Variants in RALGPS1 observed in about 807,000 individuals in gnomAD.
RALGPS1 encodes the protein ras-specific guanine nucleotide-releasing factor RalGPS1.
RALGPS1 carries 19 observed loss-of-function variants against 78.8 expected under a neutral mutation model. That is an observed-to-expected ratio of 0.24 (90% confidence interval 0.17 to 0.35). RALGPS1 has a LOEUF of 0.35. Among genes scored for constraint, RALGPS1 ranks in the 10% least tolerant of loss-of-function variants. The pLI is 1.00. For missense variants in RALGPS1, 454 were observed against 688.3 expected, an observed-to-expected ratio of 0.66 and a Z score of 3.81; for synonymous variants, 228 against 256.3, an observed-to-expected ratio of 0.89 and a Z score of 1.06.
chr9:126,950,918 T>C (rs2037751327), intron 1 of RALGPS1, among the ~76,000 whole-genome samples: 1 of 151,528 alleles, frequency 6.6e-6, no homozygotes, highest in African/African-American at 2.4e-5. Context: ...GATAGACTGC[T>C]AGCAAGACTA....
intron 8 of RALGPS1, among the ~76,000 whole-genome samples, chr9:127,149,322 CAGA>C (rs2058286585): frequency 6.6e-6 from 1 of 152,212 alleles, no homozygotes; most frequent in Non-Finnish European, 1.5e-5. Flanking sequence ...TGAGAAATCT[CAGA>C]AGGTTTTGTT....
chr9:126,994,037 A>G (rs2042510336), intron 4 of RALGPS1, among the ~76,000 whole-genome samples: 1 of 152,178 alleles, frequency 6.6e-6, no homozygotes, highest in Non-Finnish European at 1.5e-5. Flanking sequence ...GTACGTCACC[A>G]TCATCAAAGA....
At chr9:127,120,904 C>A (rs2056001958) in intron 8 of RALGPS1, among the ~76,000 whole-genome samples, 1 of 151,968 alleles carries the variant, frequency 6.6e-6, no homozygotes, top group South Asian at 2.1e-4. Flanking sequence ...GGTTTGTAAT[C>A]ATCAGTGACC....
chr9:126,947,995 C>T (rs750647631), intron 1 of RALGPS1, among the ~76,000 whole-genome samples: 1 of 152,002 alleles, frequency 6.6e-6, no homozygotes, highest in African/African-American at 2.4e-5. Context: ...TGTTGTAAGG[C>T]GGGTCTCTAG....
intron 8 of RALGPS1, among the ~76,000 whole-genome samples, chr9:127,140,720 GA>G (rs956114511): frequency 3.3e-5 from 5 of 150,978 alleles, no homozygotes; most frequent in African/African-American, 1.2e-4. Context: ...CCTTTTAATT[GA>G]AAAAAAAAGT....
intron 4 of RALGPS1, among the ~76,000 whole-genome samples, chr9:126,988,513 C>G (rs898135695): frequency 6.6e-6 from 1 of 152,202 alleles, no homozygotes; most frequent in Non-Finnish European, 1.5e-5. Flanking sequence ...CTGAAGCAAT[C>G]CTCCCACCTT....
chr9:127,140,948 C>A (rs1021683485), intron 8 of RALGPS1, among the ~76,000 whole-genome samples: 2 of 152,158 alleles, frequency 1.3e-5, no homozygotes, highest in Admixed American at 6.5e-5. Context: ...TAAGGTCATT[C>A]ATTTAGGAGT....
intron 14 of RALGPS1, among the ~76,000 whole-genome samples, chr9:127,206,375 G>A (rs1442291235): frequency 6.6e-6 from 1 of 152,208 alleles, no homozygotes; most frequent in Non-Finnish European, 1.5e-5. Flanking sequence ...GGCTGGAGAG[G>A]CCTCAGGAAA....
chr9:127,077,265 C>T (rs1044915245), intron 8 of RALGPS1, among the ~76,000 whole-genome samples: 81 of 152,126 alleles, frequency 5.3e-4, no homozygotes, highest in African/African-American at 1.9e-3. Context: ...TGTGATGAGT[C>T]ACTGTATTTC....
chr9:127,222,712 TAGTA>T lies in RALGPS1; in HGVS notation c.*3945_*3948del, dbSNP rs2062805956. The T allele has an allele frequency of 6.5e-6, 1 of 152,684 alleles. No individual in the cohort carries two copies. The highest frequency in any genetic ancestry group is 1.5e-5 in the Non-Finnish European group (1 of 68,050). The allele number at this position is 152,684 out of a possible 1,614,324, so 9.5% of individuals were successfully genotyped here. The stretch of plus-strand genomic sequence containing the variant: ...CTGTGACTATTCAGTAACGAAGTAA[TAGTA>T]ATTAATTAGTATGGTATAATCTTTA... On this transcript the variant is annotated 3_prime_UTR_variant, in exon 19 of 19. Coordinates refer to ENST00000259351, the MANE Select transcript of RALGPS1 (RefSeq NM_014636.3).
intron 1 of RALGPS1, among the ~76,000 whole-genome samples, chr9:126,953,272 C>T (rs1450778525): frequency 6.6e-6 from 1 of 152,082 alleles, no homozygotes; most frequent in African/African-American, 2.4e-5. Flanking sequence ...CTGCCACGTT[C>T]TTAAGAAGTT....
intron 18 of RALGPS1, chr9:127,217,093 G>A (rs2062629088): frequency 7.2e-7 from 1 of 1,382,104 alleles, no homozygotes; most frequent in Admixed American, 3.3e-5. Flanking sequence ...GCCAGAGGAT[G>A]ACAGCAGCCC....
chr9:127,030,268 G>A (rs1340490642), intron 4 of RALGPS1, among the ~76,000 whole-genome samples: 1 of 152,298 alleles, frequency 6.6e-6, no homozygotes, highest in East Asian at 1.9e-4. Context: ...GTCAGTATAT[G>A]TGATCTTCTA....
intron 4 of RALGPS1, 100 bp from the exon 5 acceptor site, chr9:127,034,331 C>G (rs1373790531): frequency 2.8e-6 from 3 of 1,078,052 alleles, no homozygotes; most frequent in Non-Finnish European, 4.3e-6. Flanking sequence ...GGTGTCAGCC[C>G]TTTCCCACCT....
chr9:127,199,206 G>C, intron 14 of RALGPS1, 140 bp downstream of exon 14: 1 of 819,252 alleles, frequency 1.2e-6, no homozygotes, highest in Middle Eastern at 2.5e-4. Context: ...CAGACTGGCT[G>C]GGGCAGGGCT....
intron 1 of RALGPS1, among the ~76,000 whole-genome samples, chr9:126,935,765 T>G (rs2131285250): frequency 6.6e-6 from 1 of 152,358 alleles, no homozygotes; most frequent in South Asian, 2.1e-4. Flanking sequence ...AGGAGTAATC[T>G]CAGAGATGAG....
chr9:126,952,677 GTGTC>G (rs761496252), intron 1 of RALGPS1, among the ~76,000 whole-genome samples: 2,753 of 106,932 alleles, frequency 0.026, 21 homozygotes, highest in Middle Eastern at 0.045. Context: ...GTGTGTGTGT[GTGTC>G]TGTGTGTCTG....
chr9:127,111,989 T>G lies in RALGPS1; in HGVS notation c.610+42633T>G, dbSNP rs75655143. Among the ~76,000 whole-genome samples the G allele has an allele frequency of 5.4e-3, 821 of 152,382 alleles. 25 individuals are homozygous for G. The East Asian group carries it at 0.085, about 16-fold the overall frequency. Reference sequence around the variant, plus strand: ...CAGGACCTAAAGATTTTGTCCTCCCTGAACCCCTTTGGGGGCTTCTCCAGT... The same window carrying G: ...CAGGACCTAAAGATTTTGTCCTCCCGGAACCCCTTTGGGGGCTTCTCCAGT... On this transcript the variant is annotated intron_variant, in intron 8 of 18. Transcript: ENST00000259351.
intron 11 of RALGPS1, among the ~76,000 whole-genome samples, chr9:127,188,826 C>G (rs1350665616): frequency 2.2e-5 from 1 of 44,762 alleles, no homozygotes; most frequent in African/African-American, 7.8e-5. Context: ...GAAACCCCAT[C>G]TCTACTAAAA....
Sources: allele counts gnomAD v4.1 joint callset (sites outside exome capture counted in the v4.1 genomes callset), GRCh38; gene constraint gnomAD v4.1.1; transcripts MANE v1.5; gene names NCBI Gene and HGNC (gene_info 2026-07-23, HGNC 2026-07-21).